The following LRRC59 variants were observed in gnomAD, a reference collection of about 807,000 sequenced individuals.
The protein encoded by LRRC59 is leucine-rich repeat-containing protein 59.
LRRC59 carries 18 observed loss-of-function variants against 33.5 expected under a neutral mutation model. The observed-to-expected ratio is 0.54, with a 90% confidence interval of 0.37 to 0.80. The LOEUF is 0.80. Ranked by LOEUF, LRRC59 falls within the 30% of genes least tolerant of loss-of-function variation. The probability of loss-of-function intolerance (pLI) is 0.00; values close to 1 mark genes in which losing one functional copy is unlikely to be tolerated. For synonymous variants in LRRC59, 138 were observed against 160.0 expected, an observed-to-expected ratio of 0.86 and a Z score of 1.04; for missense variants, 330 against 391.9, an observed-to-expected ratio of 0.84 and a Z score of 1.33.
At chr17:50,384,764 T>G (rs1390449140) in intron 6 of LRRC59, among the ~76,000 whole-genome samples, 1 of 50,778 alleles carries the variant, frequency 2.0e-5, no homozygotes, top group East Asian at 2.6e-4. Context: ...AAACTCTGTC[T>G]CAAAAAAAAA....
Position 50,383,250 on chromosome 17 carries a change from A to T in LRRC59, c.677-15T>A. 1 of 1,549,740 alleles carries T rather than the reference A, an allele frequency of 6.5e-7. No homozygotes were observed. Among genetic ancestry groups the T allele is most frequent in the Non-Finnish European group, 8.7e-7 (1 of 1,145,936 alleles). On this transcript the variant is annotated splice_polypyrimidine_tract_variant and intron_variant, in intron 6 of 6. Coordinates refer to ENST00000225972, the MANE Select transcript of LRRC59 (RefSeq NM_018509.4). ...AGACTTAGATTCTGGAGGAAAAGTAACAGTAGACAAAGCAAGTTCAGTCAG... is the reference window on the plus strand; with the variant it reads ...AGACTTAGATTCTGGAGGAAAAGTATCAGTAGACAAAGCAAGTTCAGTCAG...
chr17:50,389,633 T>G (rs1914093181), intron 4 of LRRC59, among the ~76,000 whole-genome samples: 1 of 152,250 alleles, frequency 6.6e-6, no homozygotes, highest in South Asian at 2.1e-4. Flanking sequence ...GGTCTTGTTT[T>G]ACTACTGCAC....
chr17:50,386,902 C>T (rs1251647912), intron 5 of LRRC59, among the ~76,000 whole-genome samples: 1 of 152,166 alleles, frequency 6.6e-6, no homozygotes, highest in African/African-American at 2.4e-5. Context: ...CATTCCAGTG[C>T]CTATATCATT....
intron 2 of LRRC59, 74 bp from the exon 3 acceptor site, chr17:50,392,971 T>C (rs992562669): frequency 3.3e-5 from 46 of 1,388,812 alleles, no homozygotes; most frequent in South Asian, 1.9e-4. Context: ...TGTGGCCCAA[T>C]ACAAATTTGT....
Position 50,392,843 on chromosome 17 carries a change from G to A in LRRC59, c.220C>T (p.Leu74=), listed in dbSNP as rs879606237. 6.2e-7 allele frequency: 1 copy of A among 1,613,958 alleles called. No individual in the cohort carries two copies. The highest frequency in any genetic ancestry group is 1.7e-5 in the Admixed American group (1 of 60,010). ...LVKLDLSKNK[L]QQLPADFGRL... Reference sequence around the variant, plus strand: ...CCAAAGTCTGCTGGCAGCTGCTGCAGCTTGTTCTTACTCAGGTCTAGCTTC... The same window carrying A: ...CCAAAGTCTGCTGGCAGCTGCTGCAACTTGTTCTTACTCAGGTCTAGCTTC... Residue 74 remains leucine, a synonymous_variant, in exon 3 of 7, where the codon CTG becomes TTG. Transcript: ENST00000225972.
Position 50,392,908 on chromosome 17 carries a change from AAG to A in LRRC59, c.166-13_166-12del, listed in dbSNP as rs1914181624. On this transcript the variant is annotated splice_polypyrimidine_tract_variant and intron_variant, in intron 2 of 6. Coordinates refer to ENST00000225972, the MANE Select transcript of LRRC59 (RefSeq NM_018509.4). The stretch of plus-strand genomic sequence containing the variant: ...GCCACAGAAATCCGACTAGGATCCA[AAG>A]AGAGAACCTAAGCTAGGCTTGTCCA... The A allele has an allele frequency of 6.2e-7, 1 of 1,611,010 alleles. No homozygotes were observed. The highest frequency in any genetic ancestry group is 1.3e-5 in the African/African-American group (1 of 75,008).
At chr17:50,387,430 T>C (rs1914036246) in intron 5 of LRRC59, among the ~76,000 whole-genome samples, 4 of 152,192 alleles carry the variant, frequency 2.6e-5, no homozygotes, top group African/African-American at 9.7e-5. Context: ...GTCAATGAGT[T>C]TGGATTTCAT....
chr17:50,396,008 G>A (rs1281239477), intron 1 of LRRC59: 1 of 152,182 alleles, frequency 6.6e-6, no homozygotes, highest in Non-Finnish European at 1.5e-5. Flanking sequence ...CTGTTCAGAT[G>A]CCTGGAGTAT....
chr17:50,384,384 C>G (rs1913949294), intron 6 of LRRC59, among the ~76,000 whole-genome samples: 2 of 152,112 alleles, frequency 1.3e-5, no homozygotes, highest in African/African-American at 2.4e-5. Flanking sequence ...TCTCAAACTC[C>G]TGGGCTCAAG....
intron 4 of LRRC59, among the ~76,000 whole-genome samples, chr17:50,390,378 G>T (rs2143366263): frequency 6.6e-6 from 1 of 151,906 alleles, no homozygotes; most frequent in Non-Finnish European, 1.5e-5. Flanking sequence ...TGTAATCCCA[G>T]CTACTTGGGA....
intron 2 of LRRC59, among the ~76,000 whole-genome samples, chr17:50,394,452 C>A (rs1914222669): frequency 1.3e-5 from 2 of 152,154 alleles, no homozygotes; most frequent in African/African-American, 4.8e-5. Context: ...AATTCAAGTC[C>A]TTTGGGAGAA....
intron 2 of LRRC59, among the ~76,000 whole-genome samples, chr17:50,394,688 G>A (rs186722804): frequency 5.3e-5 from 8 of 152,302 alleles, no homozygotes; most frequent in African/African-American, 1.9e-4. Flanking sequence ...TTAGTTTTCT[G>A]TGGACTGACT....
intron 2 of LRRC59, among the ~76,000 whole-genome samples, chr17:50,393,352 C>A (rs1914195361): frequency 6.6e-6 from 1 of 152,236 alleles, no homozygotes; most frequent in Admixed American, 6.5e-5. Context: ...CTCCACACTG[C>A]TCCTGGAGAG....
Position 50,381,342 on chromosome 17 carries a change from T to A in LRRC59, c.*1646A>T, listed in dbSNP as rs1422774400. 2 of 207,448 alleles carry A rather than the reference T, an allele frequency of 9.6e-6. No homozygotes were observed. Among genetic ancestry groups the A allele is most frequent in the Non-Finnish European group, 2.0e-5 (2 of 100,764 alleles). 12.9% of individuals were successfully genotyped at this position (207,448 alleles called of 1,614,324 possible). ...GGTTGGCTTGACTGGGCTCAGCCAC[T>A]GAGCTGCCTCAACCGGCCAAGGAAC... On this transcript the variant is annotated 3_prime_UTR_variant, in exon 7 of 7. Coordinates refer to ENST00000225972, the MANE Select transcript of LRRC59 (RefSeq NM_018509.4).
At chr17:50,387,588 G>C (rs1914040176) in intron 5 of LRRC59, among the ~76,000 whole-genome samples, 1 of 152,194 alleles carries the variant, frequency 6.6e-6, no homozygotes, top group South Asian at 2.1e-4. Context: ...GCATTGTGAT[G>C]GTCCCAGAAT....
At chr17:50,390,112 A>G (rs192013548) in intron 4 of LRRC59, among the ~76,000 whole-genome samples, 3,072 of 151,142 alleles carry the variant, frequency 0.02, 51 homozygotes, top group Middle Eastern at 0.055. Flanking sequence ...AAAAAAAAAA[A>G]AAAAGAAAAA....
At chr17:50,390,578 G>A (rs1914120743) in intron 4 of LRRC59, among the ~76,000 whole-genome samples, 1 of 152,182 alleles carries the variant, frequency 6.6e-6, no homozygotes, top group Admixed American at 6.5e-5. Context: ...AGCTCCTGGA[G>A]GGTAAATTTT....
At chr17:50,383,707 ACAGGTGGTTG>A (rs1440733997) in intron 6 of LRRC59, among the ~76,000 whole-genome samples, 1 of 152,166 alleles carries the variant, frequency 6.6e-6, no homozygotes, top group Non-Finnish European at 1.5e-5. Flanking sequence ...ATGGGGGAGT[ACAGGTGGTTG>A]CCATTTTCTG....
At position 50,397,474 on chromosome 17, in the gene LRRC59, C is replaced by G. The variant is rs115437249; in HGVS notation, c.-157G>C. 2.7e-3 allele frequency: 1,441 copies of G among 529,870 alleles called. 20 individuals carry two copies. The highest frequency in any genetic ancestry group is 0.025 in the African/African-American group (1,250 of 49,704). 32.8% of individuals were successfully genotyped at this position (529,870 alleles called of 1,614,324 possible). A position where few individuals can be genotyped will look rare whatever the true frequency, so the allele number is the denominator to read the frequency against. On this transcript the variant is annotated 5_prime_UTR_variant, in exon 1 of 7. Coordinates refer to ENST00000225972, the MANE Select transcript of LRRC59 (RefSeq NM_018509.4). ...CCGCCTCCGCCCGCTGGCCGCACTCCGAGCCTCGCGCCTAGCTCCCACCGG... is the reference window on the plus strand; with the variant it reads ...CCGCCTCCGCCCGCTGGCCGCACTCGGAGCCTCGCGCCTAGCTCCCACCGG...
Sources: allele counts gnomAD v4.1 joint callset (sites outside exome capture counted in the v4.1 genomes callset), GRCh38; gene constraint gnomAD v4.1.1; transcripts MANE v1.5; gene names NCBI Gene and HGNC (gene_info 2026-07-23, HGNC 2026-07-21).